LRIF1: variants seen among roughly 807,000 people sequenced by gnomAD.
LRIF1 encodes ligand-dependent nuclear receptor-interacting factor 1.
LRIF1 carries 32 observed loss-of-function variants against 52.7 expected under a neutral mutation model. The ratio of observed to expected loss-of-function variants is 0.61; its 90% CI spans 0.46 to 0.82. The LOEUF is 0.82. LRIF1 is among the 40% of genes least tolerant of loss of function. The pLI is 0.00. For missense variants in LRIF1, 887 were observed against 892.0 expected (o/e 0.99, Z 0.07); for synonymous variants, 323 against 317.4 (o/e 1.02, Z -0.19).
the LRIF1 span, chr1:110,894,447 G>C: frequency 1.4e-6 from 2 of 1,415,268 alleles, no homozygotes; most frequent in African/African-American, 2.8e-5. Context: ...CTGAAAGTGG[G>C]GAGTATGCAG....
In LRIF1 at chr1:110,951,916, T is replaced by C. The variant is rs1489733130; in HGVS notation, c.968A>G (p.Asp323Gly). Residue 323 changes from aspartate (D) to glycine (G), a missense_variant, in exon 2 of 4, where the codon GAT (aspartate) becomes GGT (glycine). Physicochemically the swap from Asp to Gly is moderately conservative, Grantham distance 94. Coordinates refer to ENST00000369763, the MANE Select transcript of LRIF1 (RefSeq NM_018372.4). ...AGTATTATCTCCCAAATTTTTCCTATCTACAAAAGTTTTTAAAATCTTTGA... is the reference window on the plus strand; with the variant it reads ...AGTATTATCTCCCAAATTTTTCCTACCTACAAAAGTTTTTAAAATCTTTGA... ...VASKILKTFV[D>G]RKNLGDNTIN... is the part of the protein sequence containing the mutation. 1.2e-6 allele frequency: 2 copies of C among 1,614,020 alleles called. No individual in the cohort carries two copies. Among genetic ancestry groups the C allele is most frequent in the Non-Finnish European group, 1.7e-6 (2 of 1,179,982 alleles).
At chr1:110,959,858 T>C (rs1265073056) in intron 1 of LRIF1, among the ~76,000 whole-genome samples, 1 of 152,102 alleles carries the variant, frequency 6.6e-6, no homozygotes, top group Admixed American at 6.5e-5. Context: ...GGCATTCATA[T>C]ATTAGAAATA....
the LRIF1 span, among the ~76,000 whole-genome samples, chr1:110,889,179 A>G: frequency 6.6e-6 from 1 of 152,172 alleles, no homozygotes; most frequent in Admixed American, 6.5e-5. Flanking sequence ...ACTCTATGAG[A>G]TATTTTGTCA....
In LRIF1 at chr1:110,963,907, C is replaced by T. The variant is rs1659075817; in HGVS notation, c.-219G>A. ...CGCACCGCGCAGAAACCGGAAGGCT[C>T]CTGGCGGTGGACTGCGCCCTCACAG... On this transcript the variant is annotated 5_prime_UTR_variant, in exon 1 of 4. Transcript: ENST00000369763. 2.3e-6 allele frequency: 1 copy of T among 427,882 alleles called. No individual in the cohort carries two copies. 26.5% of individuals were successfully genotyped at this position (427,882 alleles called of 1,614,324 possible).
At chr1:110,902,109 G>A in the LRIF1 span, among the ~76,000 whole-genome samples, 2 of 148,688 alleles carry the variant, frequency 1.3e-5, no homozygotes, top group Non-Finnish European at 3.0e-5. Context: ...TTCACCATTG[G>A]CCCTTATCTA....
At chr1:110,938,106 T>C in the LRIF1 span, 2 of 152,150 alleles carry the variant, frequency 1.3e-5, 1 homozygote, top group South Asian at 4.1e-4. Context: ...CCCAATGGCT[T>C]CACTACTCAA....
chr1:110,919,761 A>G, the LRIF1 span, among the ~76,000 whole-genome samples: 5 of 152,226 alleles, frequency 3.3e-5, no homozygotes, highest in Non-Finnish European at 5.9e-5. Context: ...GAGAATTAGA[A>G]GGCAAGCCAC....
chr1:110,954,333 T>C (rs188205064), intron 1 of LRIF1, among the ~76,000 whole-genome samples: 18 of 152,188 alleles, frequency 1.2e-4, no homozygotes, highest in African/African-American at 3.6e-4. Context: ...CAGACTGGAG[T>C]GTAGGTGTAC....
the LRIF1 span, chr1:110,891,464 T>C: frequency 6.2e-7 from 1 of 1,611,992 alleles, no homozygotes; most frequent in Admixed American, 1.7e-5. Context: ...TTCAACTTGC[T>C]CTTTTGGGTA....
chr1:110,883,814 A>G, the LRIF1 span, among the ~76,000 whole-genome samples: 1 of 151,896 alleles, frequency 6.6e-6, no homozygotes, highest in Non-Finnish European at 1.5e-5. Flanking sequence ...TCTAAGTTGT[A>G]TTGGCATGAA....
At chr1:110,893,921 G>A in the LRIF1 span, among the ~76,000 whole-genome samples, 5 of 152,122 alleles carry the variant, frequency 3.3e-5, no homozygotes, top group South Asian at 6.2e-4. Flanking sequence ...GCTCCTCTCA[G>A]CCACTACCAG....
At chr1:110,951,106 A>G (rs1186153009) in intron 2 of LRIF1, among the ~76,000 whole-genome samples, 182 bp downstream of exon 2, 1 of 152,116 alleles carries the variant, frequency 6.6e-6, no homozygotes, top group Non-Finnish European at 1.5e-5. Context: ...ATTGTACCCA[A>G]CTGTACTCCT....
the LRIF1 span, among the ~76,000 whole-genome samples, chr1:110,905,190 AG>A: frequency 9.2e-5 from 14 of 152,352 alleles, no homozygotes; most frequent in Non-Finnish European, 1.9e-4. Flanking sequence ...AAGAGGAGGT[AG>A]AGAAAGAGAT....
At chr1:110,945,565 A>G (rs1570935832), downstream of LRIF1, among the ~76,000 whole-genome samples, 1 of 152,214 alleles carries the variant, frequency 6.6e-6, no homozygotes, top group East Asian at 1.9e-4. Flanking sequence ...AGCCGAGATT[A>G]CAGGCATGCA....
chr1:110,938,320 A>G, the LRIF1 span: 3 of 152,126 alleles, frequency 2.0e-5, no homozygotes, highest in Non-Finnish European at 4.4e-5. Context: ...CAAAATACTA[A>G]CAAGCCAAAT....
At chr1:110,895,600 T>C in the LRIF1 span, among the ~76,000 whole-genome samples, 428 of 152,320 alleles carry the variant, frequency 2.8e-3, 2 homozygotes, top group African/African-American at 9.9e-3. Context: ...GAAAGCACGC[T>C]GGCTTAGTGT....
the LRIF1 span, among the ~76,000 whole-genome samples, chr1:110,892,110 T>A: frequency 6.6e-6 from 1 of 152,218 alleles, no homozygotes; most frequent in Non-Finnish European, 1.5e-5. Context: ...ACAGAAGTGA[T>A]CTTTCCTTGG....
the LRIF1 span, among the ~76,000 whole-genome samples, chr1:110,886,400 A>G: frequency 1.1e-4 from 16 of 152,100 alleles, no homozygotes; most frequent in Admixed American, 2.6e-4. Flanking sequence ...CCATAGGGAT[A>G]TTATTTTCAT....
At chr1:110,887,106 C>T in the LRIF1 span, among the ~76,000 whole-genome samples, 1 of 149,216 alleles carries the variant, frequency 6.7e-6, no homozygotes, top group South Asian at 2.1e-4. Flanking sequence ...CTCTGTCACC[C>T]AGGCTGTAGT....
Sources: allele counts gnomAD v4.1 joint callset (sites outside exome capture counted in the v4.1 genomes callset), GRCh38; gene constraint gnomAD v4.1.1; transcripts MANE v1.5; gene names NCBI Gene and HGNC (gene_info 2026-07-23, HGNC 2026-07-21).